The following ATP2A3 variants were observed in gnomAD, a reference collection of about 807,000 sequenced individuals.
ATP2A3 encodes the protein sarcoplasmic/endoplasmic reticulum calcium ATPase 3.
Under a neutral mutation model 106.8 loss-of-function variants are expected in ATP2A3, and 61 were observed. That is an observed-to-expected ratio of 0.57 (90% CI 0.46 to 0.71). ATP2A3 has a LOEUF of 0.71. Ranked by LOEUF, ATP2A3 falls within the 30% of genes least tolerant of loss-of-function variation. ATP2A3 has a pLI of 0.00. For missense variants in ATP2A3, 1,201 were observed against 1,423.5 expected, an observed-to-expected ratio of 0.84 and a Z score of 2.52; for synonymous variants, 611 against 609.3, an observed-to-expected ratio of 1.00 and a Z score of -0.04.
At position 3,925,324 on chromosome 17, in the gene ATP2A3, A is replaced by T; in HGVS notation, c.*98T>A. 1 of 1,603,570 alleles carries T rather than the reference A, an allele frequency of 6.2e-7. No homozygotes were observed. On this transcript the variant is annotated 3_prime_UTR_variant, in exon 21 of 21. Coordinates refer to ENST00000397041, the MANE Select transcript of ATP2A3 (RefSeq NM_005173.4). This position sits in a 1 kb window ranked among gnomAD's most constrained non-coding sequence, Gnocchi z 4.2. Reference sequence around the variant, plus strand: ...TTTATCCGGCGGGACCCGGTGGGCAAGTGGGCGAGTGTGGTGGCAAGGGTG... The same window carrying T: ...TTTATCCGGCGGGACCCGGTGGGCATGTGGGCGAGTGTGGTGGCAAGGGTG...
intron 7 of ATP2A3, among the ~76,000 whole-genome samples, chr17:3,948,239 A>AAT (rs1482761975): frequency 4.6e-5 from 7 of 152,234 alleles, no homozygotes; most frequent in Admixed American, 2.6e-4. Flanking sequence ...GAACCCAATA[A>AAT]ACAGTCCATT....
chr17:3,933,252 G>A (rs954813461), intron 17 of ATP2A3, among the ~76,000 whole-genome samples: 4 of 151,324 alleles, frequency 2.6e-5, no homozygotes, highest in African/African-American at 4.9e-5. Flanking sequence ...CTGCACTCCA[G>A]CCTGGGTGAC....
intron 1 of ATP2A3, 52 bp downstream of exon 1, chr17:3,964,122 C>G: frequency 9.9e-7 from 1 of 1,010,974 alleles, no homozygotes; most frequent in Non-Finnish European, 1.2e-6. Flanking sequence ...GAAACTGAGA[C>G]TGCGGCGCGC....
At chr17:3,938,499 T>G (rs1385386182) in intron 14 of ATP2A3, among the ~76,000 whole-genome samples, 1 of 152,030 alleles carries the variant, frequency 6.6e-6, no homozygotes, top group Non-Finnish European at 1.5e-5. Context: ...TGGGGCAGTG[T>G]CAAGGTCAAC....
At position 3,928,884 on chromosome 17, in the gene ATP2A3, G is replaced by C. The variant is rs1280648345; in HGVS notation, c.2863-104C>G. 16 of 874,432 alleles carry C rather than the reference G, an allele frequency of 1.8e-5. No individual in the cohort carries two copies. In the East Asian group the frequency reaches 4.3e-4, roughly 23 times the overall value. 54.2% of individuals were successfully genotyped at this position (874,432 alleles called of 1,614,324 possible). A position where few individuals can be genotyped will look rare whatever the true frequency, so the allele number is the denominator to read the frequency against. Reference sequence around the variant, plus strand: ...ACCTGGGCTCTGATGGACTCTTCATGAGCGCTCCTAAGAACCCCCTGGATG... The same window carrying C: ...ACCTGGGCTCTGATGGACTCTTCATCAGCGCTCCTAAGAACCCCCTGGATG... On this transcript the variant is annotated intron_variant, in intron 19 of 20. Coordinates refer to ENST00000397041, the MANE Select transcript of ATP2A3 (RefSeq NM_005173.4). This position sits in a 1 kb window ranked among gnomAD's most constrained non-coding sequence, Gnocchi z 6.1.
chr17:3,932,135 ATTTTGTTTTGTTTTGTTTTTG>A (rs1199162087), intron 17 of ATP2A3, among the ~76,000 whole-genome samples: 2 of 151,486 alleles, frequency 1.3e-5, no homozygotes, highest in East Asian at 3.9e-4. Flanking sequence ...TTTTCTTTTT[ATTTTGTTTTGTTTTGTTTTTG>A]TTTTCGAGAC....
intron 14 of ATP2A3, among the ~76,000 whole-genome samples, chr17:3,939,658 G>A (rs565358077): frequency 2.6e-4 from 39 of 151,250 alleles, no homozygotes; most frequent in African/African-American, 8.5e-4. Context: ...ATGGTGGTGC[G>A]CGCCTGTGGT....
Position 3,928,726 on chromosome 17 carries a change from T to C in ATP2A3, c.2917A>G (p.Ile973Val). 1 of 1,551,418 alleles carries C rather than the reference T, an allele frequency of 6.4e-7. No homozygotes were observed. Among genetic ancestry groups the C allele is most frequent in the Non-Finnish European group, 8.7e-7 (1 of 1,147,314 alleles). The change falls in exon 20 of 21, where the codon ATA becomes GTA. Residue 973 changes from isoleucine to valine, a missense_variant. Around this residue, in one of 2 missense-constraint regions of ATP2A3, gnomAD observed 935 missense variants for 1,176.7 expected, o/e 0.79. Transcript: ENST00000397041. The surrounding 1 kb of genome is among the most constrained non-coding windows in gnomAD (Gnocchi z 6.1). ...TCCAGCAGGATGACAGGCAGAGATA[T>C]CTGGAGCACCACCACCCACTGGCGC... Reference protein sequence around the residue: ...SGRQWVVVLQISLPVILLDEA... With the variant: ...SGRQWVVVLQVSLPVILLDEA...
chr17:3,937,384 G>A (rs1407635795), intron 15 of ATP2A3, 32 bp downstream of exon 15: 13 of 1,599,714 alleles, frequency 8.1e-6, no homozygotes, highest in Non-Finnish European at 1.1e-5. Flanking sequence ...AGCGGATTGA[G>A]AGGGCTGAGA....
At chr17:3,949,905 T>C (rs907360387) in intron 7 of ATP2A3, among the ~76,000 whole-genome samples, 3 of 152,080 alleles carry the variant, frequency 2.0e-5, no homozygotes, top group African/African-American at 7.2e-5. Flanking sequence ...CTCATGCTTA[T>C]AATCCTAGCA....
chr17:3,957,146 G>A (rs2054830323), intron 1 of ATP2A3, among the ~76,000 whole-genome samples: 2 of 152,370 alleles, frequency 1.3e-5, no homozygotes, highest in East Asian at 1.9e-4. Flanking sequence ...GGTGGTGTGC[G>A]CCAGACACCC....
chr17:3,930,230 A>T lies in ATP2A3; in HGVS notation c.2744+71T>A, dbSNP rs929256460. On this transcript the variant is annotated intron_variant, in intron 18 of 20. Coordinates refer to ENST00000397041, the MANE Select transcript of ATP2A3 (RefSeq NM_005173.4). This position sits in a 1 kb window ranked among gnomAD's most constrained non-coding sequence, Gnocchi z 5.4. ...CCACCTGGACCCCTGACCCTCAGAC[A>T]CTGATACTGGAACCCCCAGCCCTCA... 1 of 1,263,160 alleles carries T rather than the reference A, an allele frequency of 7.9e-7. No individual in the cohort carries two copies. The highest frequency in any genetic ancestry group is 1.5e-5 in the African/African-American group (1 of 64,912). The allele number at this position is 1,263,160 out of a possible 1,614,324, so 78.2% of individuals were successfully genotyped here.
intron 9 of ATP2A3, 127 bp from the exon 10 acceptor site, chr17:3,944,933 G>T (rs935629928): frequency 9.8e-6 from 13 of 1,329,570 alleles, no homozygotes; most frequent in Non-Finnish European, 1.3e-5. Flanking sequence ...CCGCCTCCTG[G>T]CCCCGCCCCG....
chr17:3,929,368 A>G lies in ATP2A3; in HGVS notation c.2822T>C (p.Met941Thr). The G allele has an allele frequency of 6.4e-7, 1 of 1,568,188 alleles. No individual in the cohort carries two copies. The highest frequency in any genetic ancestry group is 8.6e-7 in the Non-Finnish European group (1 of 1,157,548). Residue 941 changes from methionine (M) to threonine (T), a missense_variant, in exon 19 of 21, where the codon ATG becomes ACG. By Grantham distance (81) the Met-to-Thr change is moderately conservative (BLOSUM62 -1). This residue lies in a region of ATP2A3 where 935 missense variants were observed against 1,176.7 expected (regional missense o/e 0.79). Coordinates refer to ENST00000397041, the MANE Select transcript of ATP2A3 (RefSeq NM_005173.4). The surrounding 1 kb of genome is among the most constrained non-coding windows in gnomAD (Gnocchi z 4.3). The part of the protein sequence containing the change: ...PWLLVAVAMS[M>T]ALHFLILLVP... ...GAGCAGGATGAGGAAGTGCAGGGCCATGGACATGGCCACAGCCACCAGCAG... is the reference window on the plus strand; with the variant it reads ...GAGCAGGATGAGGAAGTGCAGGGCCGTGGACATGGCCACAGCCACCAGCAG...
At chr17:3,934,988 C>T (rs943853282) in intron 17 of ATP2A3, 27 of 601,550 alleles carry the variant, frequency 4.5e-5, no homozygotes, top group Non-Finnish European at 6.9e-5. Flanking sequence ...GATGGGGAGG[C>T]GCCTTTGGCT....
intron 17 of ATP2A3, among the ~76,000 whole-genome samples, chr17:3,932,672 T>G (rs1303114334): frequency 2.0e-5 from 3 of 152,188 alleles, no homozygotes; most frequent in Non-Finnish European, 4.4e-5. Flanking sequence ...ATTCCTGGGC[T>G]CAAGTGATCT....
chr17:3,946,679 C>T (rs2054135748), intron 8 of ATP2A3, among the ~76,000 whole-genome samples: 2 of 152,200 alleles, frequency 1.3e-5, no homozygotes, highest in South Asian at 4.1e-4. Flanking sequence ...GATGGGCTCC[C>T]AGAAGGCCTT....
chr17:3,927,881 T>A, intron 20 of ATP2A3: 2 of 1,579,874 alleles, frequency 1.3e-6, no homozygotes, highest in Non-Finnish European at 1.7e-6. Flanking sequence ...GCTGCCCCAG[T>A]GCAGGCCTCA....
chr17:3,947,936 A>G lies in ATP2A3; in HGVS notation c.631-81T>C. On this transcript the variant is annotated intron_variant, in intron 7 of 20. Coordinates refer to ENST00000397041, the MANE Select transcript of ATP2A3 (RefSeq NM_005173.4). The surrounding 1 kb of genome is among the most constrained non-coding windows in gnomAD (Gnocchi z 7.7). ...ACCCCTGACTCCTTCAGGCCGGAATAAGGCACTTATCCTTCTACCCGGCTT... is the reference window on the plus strand; with the variant it reads ...ACCCCTGACTCCTTCAGGCCGGAATGAGGCACTTATCCTTCTACCCGGCTT... The G allele has an allele frequency of 7.3e-7, 1 of 1,374,480 alleles. No individual in the cohort carries two copies. Among genetic ancestry groups the G allele is most frequent in the Non-Finnish European group, 1.0e-6 (1 of 988,498 alleles). 85.1% of individuals were successfully genotyped at this position (1,374,480 alleles called of 1,614,324 possible).
Sources: allele counts gnomAD v4.1 joint callset (sites outside exome capture counted in the v4.1 genomes callset), GRCh38; gene constraint gnomAD v4.1.1; regional missense constraint gnomAD v4.1.1; non-coding constraint Gnocchi (gnomAD v3.1); transcripts MANE v1.5; gene names NCBI Gene and HGNC (gene_info 2026-07-23, HGNC 2026-07-21).